Variants in PLCB3 observed in about 807,000 individuals in gnomAD.
PLCB3 encodes 1-phosphatidylinositol 4,5-bisphosphate phosphodiesterase beta-3.
In PLCB3, 54 loss-of-function variants were observed where a neutral mutation model predicts 152.1. The observed-to-expected ratio is 0.36, with a 90% CI of 0.29 to 0.45. The LOEUF is 0.45. Among genes scored for constraint, PLCB3 ranks in the 20% least tolerant of loss-of-function variants. The pLI is 1.00. For missense variants in PLCB3, 1,248 were observed against 1,687.5 expected (o/e 0.74, Z 4.56); for synonymous variants, 717 against 698.7 (o/e 1.03, Z -0.41).
rs546807978 is a variant in PLCB3 at position 64,266,095 on chromosome 11, G to A, written c.3190-31G>A. 20 of 1,613,886 alleles carry A rather than the reference G, an allele frequency of 1.2e-5. No homozygotes were observed. Among genetic ancestry groups the A allele is most frequent in the African/African-American group, 2.7e-5 (2 of 74,998 alleles). On this transcript the variant is annotated intron_variant, in intron 26 of 30. Coordinates refer to ENST00000279230, the MANE Select transcript of PLCB3 (RefSeq NM_000932.5). The surrounding 1 kb of genome is among the most constrained non-coding windows in gnomAD (Gnocchi z 4.9). Reference sequence around the variant, plus strand: ...TGCTGGATAGACCCGTCGTCAGCCCGGCATCACCTGTCAGCTCCCTGTGTC... The same window carrying A: ...TGCTGGATAGACCCGTCGTCAGCCCAGCATCACCTGTCAGCTCCCTGTGTC...
chr11:64,265,821 CA>C, intron 25 of PLCB3, 64 bp from the exon 26 acceptor site: 7 of 1,563,174 alleles, frequency 4.5e-6, no homozygotes, highest in Non-Finnish European at 6.1e-6. Flanking sequence ...TGCCCCCCTA[CA>C]CACCCTCCCC....
intron 1 of PLCB3, among the ~76,000 whole-genome samples, chr11:64,253,138 A>G (rs1050807833): frequency 2.0e-5 from 3 of 152,206 alleles, no homozygotes; most frequent in Admixed American, 6.5e-5. Flanking sequence ...TCTCCAGAAG[A>G]GGAAACTGAG....
chr11:64,260,897 T>C (rs1436984566), intron 14 of PLCB3, among the ~76,000 whole-genome samples: 1 of 152,200 alleles, frequency 6.6e-6, no homozygotes, highest in African/African-American at 2.4e-5. Flanking sequence ...AATTTAATTA[T>C]TGTATTGGAG....
Position 64,262,638 on chromosome 11 carries a change from C to T in PLCB3, c.2194-9C>T, listed in dbSNP as rs1294507442. The T allele has an allele frequency of 5.6e-6, 9 of 1,613,476 alleles. No homozygotes were observed. The highest frequency in any genetic ancestry group is 5.9e-6 in the Non-Finnish European group (7 of 1,179,780). On this transcript the variant is annotated splice_polypyrimidine_tract_variant and intron_variant, in intron 18 of 30. Coordinates refer to ENST00000279230, the MANE Select transcript of PLCB3 (RefSeq NM_000932.5). ...AGCATCCGCCTCACCCTCCTTGGCC[C>T]ACCCCCAGGTGATCTCAGGGCAGTT...
rs972180758 is a variant in PLCB3, at chr11:64,258,103, G to C, written c.1013-370G>C. ...AGGGAGGCGGAGGTTGCAGTGAACC[G>C]AGGTTGTGCCACTGCACTCCAGCCT... is the stretch of plus-strand genomic sequence containing the variant. On this transcript the variant is annotated intron_variant, in intron 10 of 30. Coordinates refer to ENST00000279230, the MANE Select transcript of PLCB3 (RefSeq NM_000932.5). The surrounding 1 kb of genome is among the most constrained non-coding windows in gnomAD (Gnocchi z 7.2). Among the ~76,000 whole-genome samples, 2 of 151,488 alleles carry C rather than the reference G, an allele frequency of 1.3e-5. No individual in the cohort carries two copies. Among genetic ancestry groups the C allele is most frequent in the Non-Finnish European group, 2.9e-5 (2 of 67,862 alleles).
In PLCB3 at chr11:64,258,749, G is replaced by C. The variant is rs1304053337; in HGVS notation, c.1253+36G>C. On this transcript the variant is annotated intron_variant, in intron 11 of 30. Transcript: ENST00000279230. This position sits in a 1 kb window ranked among gnomAD's most constrained non-coding sequence, Gnocchi z 7.2. ...CCCTGGCATGAAACCCCATGGACCG[G>C]GGGACAGTCTTCCAGCTTCAGTGCT... The C allele has an allele frequency of 5.6e-6, 9 of 1,610,614 alleles. No homozygotes were observed. The highest frequency in any genetic ancestry group is 7.6e-6 in the Non-Finnish European group (9 of 1,177,810).
chr11:64,261,934 C>G lies in PLCB3; in HGVS notation c.1914-18C>G, dbSNP rs1304718536. 6.2e-7 allele frequency: 1 copy of G among 1,613,884 alleles called. No homozygotes were observed. Among genetic ancestry groups the G allele is most frequent in the Non-Finnish European group, 8.5e-7 (1 of 1,179,854 alleles). On this transcript the variant is annotated intron_variant, in intron 16 of 30. Transcript: ENST00000279230. The stretch of plus-strand genomic sequence containing the variant: ...GGTGGGCCCTGGCACCTGTGTGGCC[C>G]CTGACCACCAATCTCAGATACAACA...
Position 64,265,372 on chromosome 11 carries a change from C to T in PLCB3, c.2905C>T (p.Arg969Trp), listed in dbSNP as rs781389205. The T allele has an allele frequency of 7.4e-6, 12 of 1,612,018 alleles. No individual in the cohort carries two copies. Among genetic ancestry groups the T allele is most frequent in the Admixed American group, 5.0e-5 (3 of 59,942 alleles). Residue 969 changes from arginine (R) to tryptophan (W), a missense_variant, in exon 25 of 31, where the codon CGG (arginine) becomes TGG (tryptophan). This residue lies in a region of PLCB3 where 477 missense variants were observed against 489.6 expected (regional missense o/e 0.97). Transcript: ENST00000279230. Reference sequence around the variant, plus strand: ...CAAGGCTCTGGTCAAGCTCCGGAGCCGGCAAGAGCGAGACCTGCGGGAGCT... The same window carrying T: ...CAAGGCTCTGGTCAAGCTCCGGAGCTGGCAAGAGCGAGACCTGCGGGAGCT... ...GHKALVKLRS[R>W]QERDLRELRK...
Position 64,262,766 on chromosome 11 carries a change from G to C in PLCB3, c.2313G>C (p.Ser771=). 6.2e-7 allele frequency: 1 copy of C among 1,613,820 alleles called. No individual in the cohort carries two copies. The highest frequency in any genetic ancestry group is 8.5e-7 in the Non-Finnish European group (1 of 1,180,010). The change falls in exon 19 of 31, where the codon TCG becomes TCC. Residue 771 remains serine (S), a synonymous_variant. Coordinates refer to ENST00000279230, the MANE Select transcript of PLCB3 (RefSeq NM_000932.5). ...KYRTRTSQGN[S]FNPVWDEEPF... ...GCACCCGGACCTCTCAGGGGAACTC[G>C]TTCAACCCCGTGTGGGACGAAGAGC...
intron 22 of PLCB3, among the ~76,000 whole-genome samples, chr11:64,264,507 G>A (rs2032016402): frequency 1.3e-5 from 2 of 152,224 alleles, no homozygotes; most frequent in South Asian, 4.1e-4. Context: ...GGCGGGCGGG[G>A]AGAGATGACT....
At position 64,255,534 on chromosome 11, in the gene PLCB3, G is replaced by A. The variant is rs375384129; in HGVS notation, c.522-7G>A. On this transcript the variant is annotated splice_polypyrimidine_tract_variant and splice_region_variant and intron_variant, in intron 6 of 30. Transcript: ENST00000279230. The surrounding 1 kb of genome is among the most constrained non-coding windows in gnomAD (Gnocchi z 6.8). Reference sequence around the variant, plus strand: ...CACTGACCCTGAACCCCTCCTGCCCGCATCAGCATCCTGAAGATGTTCTCA... The same window carrying A: ...CACTGACCCTGAACCCCTCCTGCCCACATCAGCATCCTGAAGATGTTCTCA... The A allele has an allele frequency of 9.3e-6, 15 of 1,612,758 alleles. No homozygotes were observed. The highest frequency in any genetic ancestry group is 4.4e-5 in the South Asian group (4 of 91,070).
At position 64,256,409 on chromosome 11, in the gene PLCB3, G is replaced by A; in HGVS notation, c.732G>A (p.Glu244=). The change falls in exon 9 of 31, where the codon GAG becomes GAA. Residue 244 remains glutamate, a synonymous_variant. Transcript: ENST00000279230. ...GAKGKPYLTL[E]QLMDFINQKQ... Reference sequence around the variant, plus strand: ...AGGGCAAGCCATACCTGACGCTGGAGCAGCTCATGGACTTCATCAACCAGA... The same window carrying A: ...AGGGCAAGCCATACCTGACGCTGGAACAGCTCATGGACTTCATCAACCAGA... The A allele has an allele frequency of 1.2e-6, 2 of 1,613,700 alleles. No homozygotes were observed. Among genetic ancestry groups the A allele is most frequent in the Admixed American group, 3.3e-5 (2 of 60,028 alleles).
At position 64,265,411 on chromosome 11, in the gene PLCB3, C is replaced by T. The variant is rs774803533; in HGVS notation, c.2944C>T (p.Gln982Ter). ...CCTGCGGGAGCTGCGCAAGAAGCAT[C>T]AGCGGAAGGCAGTCACCCTCACCCG... ...RDLRELRKKH[Q>*]RKAVTLTRRL... The change falls in exon 25 of 31, where the codon CAG becomes TAG. Residue 982 changes from glutamine to a stop codon, truncating the protein, a stop_gained. Coordinates refer to ENST00000279230, the MANE Select transcript of PLCB3 (RefSeq NM_000932.5). LOFTEE classifies it high-confidence loss of function. 6.2e-7 allele frequency: 1 copy of T among 1,612,170 alleles called. No individual in the cohort carries two copies. Among genetic ancestry groups the T allele is most frequent in the South Asian group, 1.1e-5 (1 of 91,084 alleles).
At chr11:64,253,251 A>G (rs2031331522) in intron 1 of PLCB3, among the ~76,000 whole-genome samples, 2 of 152,200 alleles carry the variant, frequency 1.3e-5, no homozygotes, top group South Asian at 4.1e-4. Context: ...CCCAGGTCAC[A>G]GGACGCTGCA....
At chr11:64,262,330 C>T (rs1454033057) in intron 17 of PLCB3, 77 bp from the exon 18 acceptor site, 1 of 1,545,644 alleles carries the variant, frequency 6.5e-7, no homozygotes, top group Admixed American at 1.7e-5. Flanking sequence ...GCCATCTGAC[C>T]TGATGATCTC....
chr11:64,258,459 C>A lies in PLCB3; in HGVS notation c.1013-14C>A, dbSNP rs760504379. 1.8e-5 allele frequency: 29 copies of A among 1,609,090 alleles called. No individual in the cohort carries two copies. Among genetic ancestry groups the A allele is most frequent in the Non-Finnish European group, 2.4e-5 (28 of 1,177,954 alleles). ...CTGGTGGGCGGCCTCGGTGACAGAG[C>A]CTCGCCGCCCCAGCGGGGCAGCTGG... On this transcript the variant is annotated splice_polypyrimidine_tract_variant and intron_variant, in intron 10 of 30. Coordinates refer to ENST00000279230, the MANE Select transcript of PLCB3 (RefSeq NM_000932.5). This position sits in a 1 kb window ranked among gnomAD's most constrained non-coding sequence, Gnocchi z 7.2.
Position 64,254,892 on chromosome 11 carries a change from A to G in PLCB3, c.247-6A>G, listed in dbSNP as rs2031435314. 1 of 1,609,116 alleles carries G rather than the reference A, an allele frequency of 6.2e-7. No individual in the cohort carries two copies. The highest frequency in any genetic ancestry group is 8.5e-7 in the Non-Finnish European group (1 of 1,176,768). On this transcript the variant is annotated splice_region_variant and splice_polypyrimidine_tract_variant and intron_variant, in intron 3 of 30. Coordinates refer to ENST00000279230, the MANE Select transcript of PLCB3 (RefSeq NM_000932.5). ...CCCTCTTCACCCTTCGCTGTCACCT[A>G]CTCAGGACCCCAAGATCCGGGAAGT... is the stretch of plus-strand genomic sequence containing the variant.
In PLCB3 at chr11:64,259,083, G is replaced by A; in HGVS notation, c.1364G>A (p.Ser455Asn). The A allele has an allele frequency of 6.2e-7, 1 of 1,612,224 alleles. No homozygotes were observed. Among genetic ancestry groups the A allele is most frequent in the Non-Finnish European group, 8.5e-7 (1 of 1,179,214 alleles). ...YPLAPGVPLP[S>N]PQDLMGRILV... is the part of the protein sequence containing the mutation. ...CTGGCCCCAGGCGTTCCCCTGCCCA[G>A]CCCCCAGGACCTGATGGGCCGTATC... Residue 455 changes from serine to asparagine, a missense_variant, in exon 13 of 31, where the codon AGC (serine) becomes AAC (asparagine). Ser to Asn is a conservative substitution (Grantham distance 46, BLOSUM62 1). Coordinates refer to ENST00000279230, the MANE Select transcript of PLCB3 (RefSeq NM_000932.5).
chr11:64,260,087 G>C lies in PLCB3; in HGVS notation c.1584G>C (p.Glu528Asp), dbSNP rs2031766239. Residue 528 changes from glutamate to aspartate, a missense_variant, in exon 14 of 31, where the codon GAG becomes GAC. Coordinates refer to ENST00000279230, the MANE Select transcript of PLCB3 (RefSeq NM_000932.5). ...GLSNGEEVGL[E>D]KPSLEPQKSL... ...GCAATGGGGAGGAGGTAGGGCTTGA[G>C]AAGCCCAGCCTGGAGCCTCAGAAGT... The C allele has an allele frequency of 1.2e-6, 2 of 1,612,256 alleles. No individual in the cohort carries two copies. The highest frequency in any genetic ancestry group is 3.4e-5 in the Admixed American group (2 of 59,416).
Sources: gnomAD v4.1 joint callset for allele counts (sites outside exome capture counted in the v4.1 genomes callset) on GRCh38, gnomAD v4.1.1 for gene constraint, gnomAD v4.1.1 regional missense constraint, Gnocchi (gnomAD v3.1) non-coding constraint, MANE v1.5 for transcripts, NCBI Gene and HGNC (gene_info 2026-07-23, HGNC 2026-07-21) for gene names.